The following IGF1 variants were observed in gnomAD, a reference collection of about 807,000 sequenced individuals.
IGF1 encodes insulin-like growth factor 1.
In IGF1, 4 loss-of-function variants were observed where a neutral mutation model predicts 13.8. The ratio of observed to expected loss-of-function variants is 0.29; its 90% CI spans 0.14 to 0.66. IGF1 has a LOEUF of 0.66. IGF1 is among the 30% of genes least tolerant of loss of function. The probability of loss-of-function intolerance (pLI) is 0.78; values close to 1 mark genes in which losing one functional copy is unlikely to be tolerated. For missense variants in IGF1, 124 were observed against 188.5 expected (o/e 0.66, Z 2.00); for synonymous variants, 76 against 72.6 (o/e 1.05, Z -0.23).
chr12:102,434,637 T>G (rs1040647270), intron 2 of IGF1, among the ~76,000 whole-genome samples: 5 of 152,118 alleles, frequency 3.3e-5, no homozygotes, highest in Non-Finnish European at 7.3e-5. Context: ...TATAGCAGCA[T>G]GATTTATAAT....
At chr12:102,417,332 C>A (rs1423859153) in intron 3 of IGF1, among the ~76,000 whole-genome samples, 1 of 152,186 alleles carries the variant, frequency 6.6e-6, no homozygotes, top group Non-Finnish European at 1.5e-5. Flanking sequence ...ATGCAGCCTC[C>A]AATGACATTG....
At chr12:102,418,638 C>T (rs1875383652) in intron 3 of IGF1, among the ~76,000 whole-genome samples, 1 of 152,200 alleles carries the variant, frequency 6.6e-6, no homozygotes, top group African/African-American at 2.4e-5. Flanking sequence ...TTCTCTTTTT[C>T]CTCCTTTACC....
rs1873528691 is a variant in IGF1 at position 102,399,791 on chromosome 12, CGTT to C, written c.*2713_*2715del. On this transcript the variant is annotated 3_prime_UTR_variant, in exon 4 of 4. Transcript: ENST00000337514. ...TCACATCTAACTATGACAGAAAACA[CGTT>C]AAGTCTGCAGAAGACTGCCTATAAA... The C allele has an allele frequency of 6.6e-6, 1 of 151,842 alleles. No individual in the cohort carries two copies. The highest frequency in any genetic ancestry group is 6.6e-5 in the Admixed American group (1 of 15,242). 9.4% of individuals were successfully genotyped at this position (151,842 alleles called of 1,614,324 possible).
chr12:102,438,206 A>G (rs1265021832), intron 2 of IGF1, among the ~76,000 whole-genome samples: 3 of 152,242 alleles, frequency 2.0e-5, no homozygotes, highest in Non-Finnish European at 2.9e-5. Context: ...AGGCAAAGTC[A>G]GGAAGGACTC....
intron 2 of IGF1, among the ~76,000 whole-genome samples, chr12:102,422,085 T>C (rs571197993): frequency 2.6e-5 from 4 of 152,274 alleles, no homozygotes; most frequent in African/African-American, 7.2e-5. Context: ...AGCTCAGAAT[T>C]TGACATGACT....
chr12:102,429,660 G>A (rs982168427), intron 2 of IGF1, among the ~76,000 whole-genome samples: 1 of 152,038 alleles, frequency 6.6e-6, no homozygotes, highest in Non-Finnish European at 1.5e-5. Context: ...ATTATCCATC[G>A]AGAAAAATCT....
intron 3 of IGF1, among the ~76,000 whole-genome samples, chr12:102,410,839 C>T (rs1874575700): frequency 6.6e-6 from 1 of 152,132 alleles, no homozygotes; most frequent in African/African-American, 2.4e-5. Context: ...GTTTGGAAGG[C>T]TCTCTTGAAC....
chr12:102,399,917 C>G lies in IGF1; in HGVS notation c.*2590G>C, dbSNP rs1044359410. 3 of 152,296 alleles carry G rather than the reference C, an allele frequency of 2.0e-5. No individual in the cohort carries two copies. The East Asian group carries it at 5.8e-4, about 29-fold the overall frequency. 9.4% of individuals were successfully genotyped at this position (152,296 alleles called of 1,614,324 possible). A position where few individuals can be genotyped will look rare whatever the true frequency, so the allele number is the denominator to read the frequency against. ...AAGAGGAGTCCAGTATCTTATTCCA[C>G]AGAACCTGTATGTCTGGAAAACAGG... On this transcript the variant is annotated 3_prime_UTR_variant, in exon 4 of 4. Coordinates refer to ENST00000337514, the MANE Select transcript of IGF1 (RefSeq NM_000618.5).
At chr12:102,440,939 G>A (rs573918908) in intron 2 of IGF1, among the ~76,000 whole-genome samples, 1 of 152,298 alleles carries the variant, frequency 6.6e-6, no homozygotes, top group South Asian at 2.1e-4. Flanking sequence ...GATGTAATTA[G>A]ATGGTGCTCA....
chr12:102,453,996 C>A (rs746914594), intron 2 of IGF1, among the ~76,000 whole-genome samples: 8 of 152,184 alleles, frequency 5.3e-5, no homozygotes, highest in Non-Finnish European at 1.2e-4. Context: ...TTGGAAAGTG[C>A]TAGCTATTAT....
chr12:102,419,237 G>T (rs1176853101), intron 3 of IGF1, among the ~76,000 whole-genome samples: 1 of 152,204 alleles, frequency 6.6e-6, no homozygotes, highest in Non-Finnish European at 1.5e-5. Context: ...GAGAAAGCCA[G>T]GACTTCACTT....
chr12:102,409,211 A>T (rs1874425564), intron 3 of IGF1, among the ~76,000 whole-genome samples: 1 of 152,200 alleles, frequency 6.6e-6, no homozygotes, highest in South Asian at 2.1e-4. Flanking sequence ...ACTGTTTAGA[A>T]AAACCTTGAA....
At chr12:102,430,999 T>C (rs1161323394) in intron 2 of IGF1, among the ~76,000 whole-genome samples, 1 of 152,212 alleles carries the variant, frequency 6.6e-6, no homozygotes, top group African/African-American at 2.4e-5. Context: ...ATACTCTCTT[T>C]TCAAACCAAA....
At chr12:102,459,260 A>G (rs1879704614) in intron 2 of IGF1, among the ~76,000 whole-genome samples, 1 of 152,102 alleles carries the variant, frequency 6.6e-6, no homozygotes, top group Admixed American at 6.5e-5. Flanking sequence ...CAAATTGGGG[A>G]GTTTGGACTC....
chr12:102,448,703 A>T (rs77551861), intron 2 of IGF1, among the ~76,000 whole-genome samples: 49 of 151,224 alleles, frequency 3.2e-4, no homozygotes, highest in African/African-American at 4.8e-4. Flanking sequence ...AAAAAAAAAA[A>T]AAAAAAAAAA....
At chr12:102,430,194 T>A (rs1261221927) in intron 2 of IGF1, among the ~76,000 whole-genome samples, 1 of 152,142 alleles carries the variant, frequency 6.6e-6, no homozygotes, top group Non-Finnish European at 1.5e-5. Flanking sequence ...GGGCCTAAGT[T>A]CAGGATTTAA....
At chr12:102,478,609 T>C in intron 1 of IGF1, 1 of 1,543,124 alleles carries the variant, frequency 6.5e-7, no homozygotes, top group Non-Finnish European at 8.8e-7. Flanking sequence ...GGGTGGGGTT[T>C]GTGAAAGCAT....
chr12:102,427,347 C>CT (rs1876299678), intron 2 of IGF1, among the ~76,000 whole-genome samples: 1 of 152,140 alleles, frequency 6.6e-6, no homozygotes, highest in Non-Finnish European at 1.5e-5. Context: ...GAAGAGAGGC[C>CT]TTGTAACAAA....
chr12:102,419,820 A>G, intron 2 of IGF1, 130 bp from the exon 3 acceptor site: 1 of 852,438 alleles, frequency 1.2e-6, no homozygotes, highest in Non-Finnish European at 1.9e-6. Context: ...TCTTCTTGAA[A>G]CTTCCCCAAT....
Sources: gnomAD v4.1 joint callset for allele counts (sites outside exome capture counted in the v4.1 genomes callset) on GRCh38, gnomAD v4.1.1 for gene constraint, MANE v1.5 for transcripts, NCBI Gene and HGNC (gene_info 2026-07-23, HGNC 2026-07-21) for gene names.